DHTKD1: variants seen among roughly 807,000 people sequenced by gnomAD.
The protein encoded by DHTKD1 is dehydrogenase E1 and transketolase domain containing 1.
In DHTKD1, 78 loss-of-function variants were observed where a neutral mutation model predicts 101.8. The ratio of observed to expected loss-of-function variants is 0.77; its 90% confidence interval spans 0.64 to 0.93. The LOEUF is 0.93. DHTKD1 is among the 40% of genes least tolerant of loss of function. The probability of loss-of-function intolerance (pLI) is 0.00; values close to 1 mark genes in which losing one functional copy is unlikely to be tolerated. For synonymous variants in DHTKD1, 462 were observed against 450.3 expected (o/e 1.03, Z -0.33); for missense variants, 1,223 against 1,161.7 (o/e 1.05, Z -0.77).
rs1833246281 is a variant in DHTKD1 at position 12,106,301 on chromosome 10, G to A, written c.1952G>A (p.Ser651Asn). Residue 651 changes from serine to asparagine, a missense_variant, in exon 11 of 17, where the codon AGC becomes AAC. Ser to Asn is a conservative substitution (Grantham distance 46). Coordinates refer to ENST00000263035, the MANE Select transcript of DHTKD1 (RefSeq NM_018706.7). ...EAVLGFEYGM[S>N]IESPKLLPLW... ...GTCCTGGGATTTGAATATGGGATGA[G>A]CATTGAGAGCCCAAAGTTACTGCCC... The A allele has an allele frequency of 4.3e-6, 7 of 1,614,156 alleles. No individual in the cohort carries two copies. The highest frequency in any genetic ancestry group is 5.9e-6 in the Non-Finnish European group (7 of 1,180,016).
Position 12,069,084 on chromosome 10 carries a change from C to T in DHTKD1, c.51C>T (p.Leu17=), listed in dbSNP as rs777255656. Residue 17 remains leucine, a synonymous_variant, in exon 1 of 17, where the codon CTC becomes CTT. Transcript: ENST00000263035. ...CACGACGGGGCCTCGGCCGGGCTCTCCCTCTCTTCTGGCGTGGCTACCAGA... is the reference window on the plus strand; with the variant it reads ...CACGACGGGGCCTCGGCCGGGCTCTTCCTCTCTTCTGGCGTGGCTACCAGA... ...AAARRGLGRA[L]PLFWRGYQTE... 3.7e-6 allele frequency: 6 copies of T among 1,612,788 alleles called. No homozygotes were observed. In the Admixed American group the frequency reaches 5.0e-5, roughly 13 times the overall value.
At chr10:12,076,821 G>A (rs923314709) in intron 1 of DHTKD1, among the ~76,000 whole-genome samples, 1 of 151,846 alleles carries the variant, frequency 6.6e-6, no homozygotes, top group Non-Finnish European at 1.5e-5. Context: ...ACCACGCCCG[G>A]CTAATTTTTT....
chr10:12,073,045 G>T (rs1030074990), intron 1 of DHTKD1, among the ~76,000 whole-genome samples: 1 of 147,186 alleles, frequency 6.8e-6, no homozygotes, highest in Non-Finnish European at 1.5e-5. Flanking sequence ...CTGTTTATTT[G>T]TTTTTTTGAG....
At position 12,110,987 on chromosome 10, in the gene DHTKD1, A is replaced by G. The variant is rs1479035173; in HGVS notation, c.2155-1913A>G. On this transcript the variant is annotated intron_variant, in intron 12 of 16. Transcript: ENST00000263035. This position sits in a 1 kb window ranked among gnomAD's most constrained non-coding sequence, Gnocchi z 4.9. ...CTTGAGCCTGGGAGGCGGAGGTTGT[A>G]GTGAGCTGAGGTTGCACCACTGCAT... Among the ~76,000 whole-genome samples the G allele has an allele frequency of 7.0e-6, 1 of 143,120 alleles. No homozygotes were observed. The highest frequency in any genetic ancestry group is 1.5e-5 in the Non-Finnish European group (1 of 66,092). The allele number at this position is 143,120 out of a possible 152,430, so 93.9% of individuals were successfully genotyped here.
At chr10:12,114,934 C>T (rs1722456) in intron 13 of DHTKD1, among the ~76,000 whole-genome samples, 146,759 of 152,134 alleles carry the variant, frequency 0.96, 71,022 homozygotes, top group Middle Eastern at 1. Context: ...TAGTTGGGAC[C>T]ACAGGCGCCT....
chr10:12,097,732 C>T lies in DHTKD1; in HGVS notation c.1407C>T (p.Gly469=), dbSNP rs80324702. 35 of 1,613,900 alleles carry T rather than the reference C, an allele frequency of 2.2e-5. No individual in the cohort carries two copies. Among genetic ancestry groups the T allele is most frequent in the South Asian group, 5.5e-5 (5 of 91,078 alleles). Residue 469 remains glycine, a synonymous_variant, in exon 8 of 17, where the codon GGC becomes GGT. Coordinates refer to ENST00000263035, the MANE Select transcript of DHTKD1 (RefSeq NM_018706.7). The part of the protein sequence containing the change: ...PDTYAEHLIA[G]GLMTQEEVSE... ...CATATGCAGAGCACCTCATTGCTGG[C>T]GGACTCATGACGCAGGAGGAGGTGT...
In DHTKD1 at chr10:12,112,920, G is replaced by T. The variant is rs775438065; in HGVS notation, c.2175G>T (p.Glu725Asp). The T allele has an allele frequency of 3.1e-6, 5 of 1,609,510 alleles. No homozygotes were observed. The highest frequency in any genetic ancestry group is 1.6e-4 in the Middle Eastern group (1 of 6,068). The change falls in exon 13 of 17, where the codon GAG (glutamate) becomes GAT (aspartate). Residue 725 changes from glutamate to aspartate, a missense_variant. By Grantham distance (45) the Glu-to-Asp change is conservative. Transcript: ENST00000263035. ...CCCAGATGTGTGACAGTGCGGAAGA[G>T]GGGGTGGACGGAGACACTGTGAACA... ...RFLQMCDSAEEGVDGDTVNMF... is the reference protein window; with the variant it reads ...RFLQMCDSAEDGVDGDTVNMF...
Position 12,110,233 on chromosome 10 carries a change from G to A in DHTKD1, c.2154+2218G>A, listed in dbSNP as rs1367966392. ...GAATGGTGTGAACCTGGGAGGCGGA[G>A]CTTGCAGTGAGCTGAGATTGCGCCA... On this transcript the variant is annotated intron_variant, in intron 12 of 16. Transcript: ENST00000263035. This position sits in a 1 kb window ranked among gnomAD's most constrained non-coding sequence, Gnocchi z 4.9. Among the ~76,000 whole-genome samples the A allele has an allele frequency of 1.3e-5, 2 of 152,208 alleles. No individual in the cohort carries two copies. Among genetic ancestry groups the A allele is most frequent in the African/African-American group, 4.8e-5 (2 of 41,440 alleles).
chr10:12,101,275 G>A (rs1038170547), intron 10 of DHTKD1, 94 bp downstream of exon 10: 7 of 1,418,706 alleles, frequency 4.9e-6, no homozygotes, highest in African/African-American at 1.4e-5. Context: ...TGGCAACTTT[G>A]GGTTCAGTAC....
intron 14 of DHTKD1, among the ~76,000 whole-genome samples, chr10:12,118,112 A>C (rs112694789): frequency 6.6e-6 from 1 of 151,064 alleles, no homozygotes; most frequent in East Asian, 2.0e-4. Flanking sequence ...CTGGTCTCGA[A>C]CTCCTGACCT....
chr10:12,093,345 C>T (rs1833021082), intron 6 of DHTKD1, among the ~76,000 whole-genome samples: 1 of 152,138 alleles, frequency 6.6e-6, no homozygotes, highest in African/African-American at 2.4e-5. Flanking sequence ...CACCTGGCCA[C>T]AGCTAATTTT....
chr10:12,078,507 A>C (rs1445825309), intron 1 of DHTKD1, among the ~76,000 whole-genome samples: 3 of 151,982 alleles, frequency 2.0e-5, no homozygotes, highest in African/African-American at 4.8e-5. Flanking sequence ...AGCTACTTGG[A>C]GACTGAGGCA....
At chr10:12,114,038 T>G (rs2131624982) in intron 13 of DHTKD1, among the ~76,000 whole-genome samples, 1 of 152,020 alleles carries the variant, frequency 6.6e-6, no homozygotes, top group South Asian at 2.1e-4. Flanking sequence ...GTCATTCTTT[T>G]TTTTTTTTTT....
rs1432871234 is a variant in DHTKD1 at position 12,098,010 on chromosome 10, A to G, written c.1671+14A>G. 6.3e-7 allele frequency: 1 copy of G among 1,585,136 alleles called. No individual in the cohort carries two copies. Reference sequence around the variant, plus strand: ...ACACATGTTCAGGTGGGCAGCCTCCAAATGGCTGGTTATTGCTTCTCCTTC... The same window carrying G: ...ACACATGTTCAGGTGGGCAGCCTCCGAATGGCTGGTTATTGCTTCTCCTTC... On this transcript the variant is annotated intron_variant, in intron 8 of 16. Transcript: ENST00000263035.
At chr10:12,119,037 T>C in intron 15 of DHTKD1, 119 bp downstream of exon 15, 1 of 996,150 alleles carries the variant, frequency 1.0e-6, no homozygotes, top group South Asian at 2.1e-5. Flanking sequence ...CCGGGCGCGG[T>C]GGCTCACACC....
At position 12,094,417 on chromosome 10, in the gene DHTKD1, A is replaced by T. The variant is rs1833037785; in HGVS notation, c.1358+146A>T. 5 of 708,658 alleles carry T rather than the reference A, an allele frequency of 7.1e-6. 1 individual carries two copies. The highest frequency in any genetic ancestry group is 7.0e-5 in the South Asian group (4 of 57,142). 43.9% of individuals were successfully genotyped at this position (708,658 alleles called of 1,614,324 possible). On this transcript the variant is annotated intron_variant, in intron 7 of 16. Coordinates refer to ENST00000263035, the MANE Select transcript of DHTKD1 (RefSeq NM_018706.7). Reference sequence around the variant, plus strand: ...ACTGCCATCTCCACCTCCCGGGTTCAAATGATCCTCCTGCCTCAAGTGATC... The same window carrying T: ...ACTGCCATCTCCACCTCCCGGGTTCTAATGATCCTCCTGCCTCAAGTGATC...
chr10:12,069,262 TGTCG>T, intron 1 of DHTKD1, 75 bp downstream of exon 1: 2 of 1,055,618 alleles, frequency 1.9e-6, no homozygotes, highest in Non-Finnish European at 1.2e-6. Context: ...TGCGGTGGGG[TGTCG>T]GGGTCGGGGA....
At chr10:12,120,744 C>G in intron 16 of DHTKD1, 43 bp from the exon 17 acceptor site, 1 of 1,522,866 alleles carries the variant, frequency 6.6e-7, no homozygotes, top group Non-Finnish European at 9.1e-7. Context: ...GAGCTCTGAT[C>G]TAGTCAAAAT....
At chr10:12,119,183 G>A (rs566730305) in intron 15 of DHTKD1, among the ~76,000 whole-genome samples, 86 of 151,658 alleles carry the variant, frequency 5.7e-4, no homozygotes, top group Non-Finnish European at 1.0e-3. Context: ...GCGGGCGCCT[G>A]TAGTCCCAGC....
Sources: allele counts gnomAD v4.1 joint callset (sites outside exome capture counted in the v4.1 genomes callset), GRCh38; gene constraint gnomAD v4.1.1; non-coding constraint Gnocchi (gnomAD v3.1); transcripts MANE v1.5; gene names NCBI Gene and HGNC (gene_info 2026-07-23, HGNC 2026-07-21).